CCDC92: variants seen among roughly 807,000 people sequenced by gnomAD.
The protein encoded by CCDC92 is coiled-coil domain-containing protein 92.
Under a neutral mutation model 24.9 loss-of-function variants are expected in CCDC92, and 12 were observed. The ratio of observed to expected loss-of-function variants is 0.48; its 90% CI spans 0.31 to 0.78. The LOEUF (loss-of-function observed/expected upper bound fraction) is 0.78, where lower values mean the gene tolerates loss of function less well. Ranked by LOEUF, CCDC92 falls within the 30% of genes least tolerant of loss-of-function variation. The pLI, the probability that CCDC92 is intolerant of heterozygous loss-of-function variation, is 0.05. For synonymous variants in CCDC92, 193 were observed against 196.3 expected (o/e 0.98, Z 0.14); for missense variants, 399 against 439.4 (o/e 0.91, Z 0.82).
chr12:123,948,998 C>A (rs981573372), intron 1 of CCDC92, among the ~76,000 whole-genome samples: 2 of 152,092 alleles, frequency 1.3e-5, no homozygotes, highest in African/African-American at 4.8e-5. Flanking sequence ...CCGGGAGATG[C>A]ACATAATTCA....
At chr12:123,939,474 C>T (rs76536881) in intron 4 of CCDC92, among the ~76,000 whole-genome samples, 1,906 of 151,306 alleles carry the variant, frequency 0.013, 30 homozygotes, top group African/African-American at 0.043. Context: ...TTGAAAATAC[C>T]GTAAGTCAAA....
intron 3 of CCDC92, among the ~76,000 whole-genome samples, chr12:123,943,048 A>G (rs1266716411): frequency 6.6e-6 from 1 of 152,052 alleles, no homozygotes; most frequent in Non-Finnish European, 1.5e-5. Context: ...AAACCAAACA[A>G]TCCAGCAGCT....
chr12:123,972,263 G>A (rs931160024), intron 1 of CCDC92, among the ~76,000 whole-genome samples: 1 of 151,846 alleles, frequency 6.6e-6, no homozygotes, highest in East Asian at 2.0e-4. Context: ...CGAGCCTCAG[G>A]GACCCTCTTT....
rs761840598 is a variant in CCDC92, at chr12:123,943,492, A to G, written c.36T>C (p.Gly12=). Residue 12 remains glycine, a splice_region_variant and synonymous_variant, in exon 3 of 5, where the codon GGT becomes GGC. Coordinates refer to ENST00000238156, the MANE Select transcript of CCDC92 (RefSeq NM_025140.3). The part of the protein sequence containing the change: ...TSPHFSSYDE[G]PLDVSMAATN... ...TGGCTGCCATGCTGACATCCAGAGG[A>G]CCTGTGGGTAACACAGACCCTGGCT... The G allele has an allele frequency of 4.3e-6, 7 of 1,614,004 alleles. No homozygotes were observed. Among genetic ancestry groups the G allele is most frequent in the Non-Finnish European group, 5.9e-6 (7 of 1,180,000 alleles).
At chr12:123,942,189 C>T (rs7131882) in intron 4 of CCDC92, among the ~76,000 whole-genome samples, 48,617 of 152,068 alleles carry the variant, frequency 0.32, 7,971 homozygotes, top group Middle Eastern at 0.36. Context: ...CAGGCAGCTG[C>T]CCTTTGGGGT....
chr12:123,967,632 T>C (rs969693252), intron 1 of CCDC92, among the ~76,000 whole-genome samples: 6 of 152,252 alleles, frequency 3.9e-5, no homozygotes, highest in Non-Finnish European at 7.3e-5. Context: ...AATTATGCTA[T>C]GTATGACAGA....
rs1955749520 is a variant in CCDC92, at chr12:123,943,408, C to T, written c.120G>A (p.Glu40=). 2.5e-6 allele frequency: 4 copies of T among 1,614,162 alleles called. No individual in the cohort carries two copies. The highest frequency in any genetic ancestry group is 3.4e-6 in the Non-Finnish European group (4 of 1,180,040). Residue 40 remains glutamate (E), a synonymous_variant, in exon 3 of 5, where the codon GAG becomes GAA. Transcript: ENST00000238156. ...AQKNLLFLQR[E]HASTLKGLHS... ...GCAGCCCCTTGAGCGTGCTGGCATG[C>T]TCCCGCTGAAGGAACAGGAGGTTCT...
chr12:123,941,543 G>C (rs1336317504), intron 4 of CCDC92, among the ~76,000 whole-genome samples: 1 of 152,224 alleles, frequency 6.6e-6, no homozygotes, highest in Non-Finnish European at 1.5e-5. Context: ...CCATTGTGAG[G>C]CCTGTTTAGA....
intron 1 of CCDC92, among the ~76,000 whole-genome samples, chr12:123,967,597 T>C (rs1226777298): frequency 6.6e-6 from 1 of 152,176 alleles, no homozygotes; most frequent in African/African-American, 2.4e-5. Context: ...CACTTATCAT[T>C]AGAAAAATAT....
At chr12:123,959,920 A>G (rs1033649163) in intron 1 of CCDC92, among the ~76,000 whole-genome samples, 1 of 152,234 alleles carries the variant, frequency 6.6e-6, no homozygotes, top group African/African-American at 2.4e-5. Context: ...AGAGTCATCC[A>G]AACAGGTTTC....
intron 1 of CCDC92, among the ~76,000 whole-genome samples, chr12:123,971,084 A>T (rs958546673): frequency 1.3e-5 from 2 of 152,262 alleles, no homozygotes; most frequent in African/African-American, 4.8e-5. Context: ...CGATGTATTT[A>T]AAATGTGTCA....
At position 123,946,953 on chromosome 12, in the gene CCDC92, G is replaced by A. The variant is rs541693893; in HGVS notation, c.-59-2589C>T. Among the ~76,000 whole-genome samples the A allele has an allele frequency of 7.2e-5, 11 of 152,226 alleles. No homozygotes were observed. The South Asian group carries it at 1.7e-3, about 23-fold the overall frequency. On this transcript the variant is annotated intron_variant, in intron 1 of 4. Transcript: ENST00000238156. ...TGCAGGGAGGTGTGGAGGGAGAGGCGCAAGCAGAACCGGGGCTGCGTGCGG... is the reference window on the plus strand; with the variant it reads ...TGCAGGGAGGTGTGGAGGGAGAGGCACAAGCAGAACCGGGGCTGCGTGCGG...
At chr12:123,959,983 G>C (rs1375308095) in intron 1 of CCDC92, among the ~76,000 whole-genome samples, 1 of 152,178 alleles carries the variant, frequency 6.6e-6, no homozygotes, top group Non-Finnish European at 1.5e-5. Context: ...TGCTCACCTT[G>C]TACTGCTGGA....
chr12:123,969,607 T>C (rs771104920), intron 1 of CCDC92, among the ~76,000 whole-genome samples: 3 of 151,722 alleles, frequency 2.0e-5, no homozygotes, highest in Non-Finnish European at 4.4e-5. Flanking sequence ...TAGCTGGGAC[T>C]ACTGCGCCAC....
chr12:123,940,456 C>T (rs1415099118), intron 4 of CCDC92, among the ~76,000 whole-genome samples: 1 of 152,178 alleles, frequency 6.6e-6, no homozygotes, highest in Non-Finnish European at 1.5e-5. Flanking sequence ...TTACCGGCCC[C>T]GACTTGAGTG....
chr12:123,945,142 C>G (rs568930264), intron 1 of CCDC92: 2 of 152,264 alleles, frequency 1.3e-5, no homozygotes, highest in East Asian at 3.9e-4. Flanking sequence ...TTAAGGCGAC[C>G]ATTTCTAGGC....
intron 1 of CCDC92, chr12:123,945,846 G>A (rs1955831184): frequency 6.6e-6 from 1 of 152,240 alleles, no homozygotes; most frequent in Non-Finnish European, 1.5e-5. Flanking sequence ...TGCTGTCAAA[G>A]AGAAAGAACC....
chr12:123,970,040 C>T (rs1956489291), intron 1 of CCDC92: 1 of 152,118 alleles, frequency 6.6e-6, no homozygotes, highest in Non-Finnish European at 1.5e-5. Context: ...AAATGCAAAG[C>T]ACGACTAAGA....
chr12:123,958,208 C>T (rs1044931313), intron 1 of CCDC92, among the ~76,000 whole-genome samples: 1 of 152,082 alleles, frequency 6.6e-6, no homozygotes, highest in African/African-American at 2.4e-5. Flanking sequence ...CATGCAATAC[C>T]ATGCCCGGCT....
Sources: allele counts gnomAD v4.1 joint callset (sites outside exome capture counted in the v4.1 genomes callset), GRCh38; gene constraint gnomAD v4.1.1; transcripts MANE v1.5; gene names NCBI Gene and HGNC (gene_info 2026-07-23, HGNC 2026-07-21).